The following ADAM23 variants were observed in gnomAD, a reference collection of about 807,000 sequenced individuals.
ADAM23 encodes the protein ADAM metallopeptidase domain 23.
ADAM23 carries 33 observed loss-of-function variants against 120.1 expected under a neutral mutation model. The ratio of observed to expected loss-of-function variants is 0.27; its 90% CI spans 0.21 to 0.37. The LOEUF (loss-of-function observed/expected upper bound fraction) is 0.37. ADAM23 is among the 10% of genes least tolerant of loss of function. The probability of loss-of-function intolerance (pLI) is 1.00; values close to 1 mark genes in which losing one functional copy is unlikely to be tolerated. For synonymous variants in ADAM23, 367 were observed against 375.2 expected (o/e 0.98, Z 0.25); for missense variants, 862 against 1,058.2 (o/e 0.81, Z 2.57).
At chr2:206,557,042 G>A (rs542043754) in intron 9 of ADAM23, among the ~76,000 whole-genome samples, 17 of 152,008 alleles carry the variant, frequency 1.1e-4, no homozygotes, top group Middle Eastern at 3.4e-3. Context: ...TTCTCATATC[G>A]ATTTCTATAG....
chr2:206,496,900 A>G (rs1191435050), intron 3 of ADAM23, among the ~76,000 whole-genome samples: 1 of 152,246 alleles, frequency 6.6e-6, no homozygotes, highest in East Asian at 1.9e-4. Flanking sequence ...TAGAAAATCT[A>G]GAAGAAATGG....
At chr2:206,544,662 G>A (rs1052435466) in intron 6 of ADAM23, among the ~76,000 whole-genome samples, 13 of 149,656 alleles carry the variant, frequency 8.7e-5, no homozygotes, top group African/African-American at 3.2e-4. Flanking sequence ...GCCTAGGCTG[G>A]AGTGCAGTGG....
At chr2:206,549,867 G>A (rs1697476989) in intron 8 of ADAM23, among the ~76,000 whole-genome samples, 1 of 151,960 alleles carries the variant, frequency 6.6e-6, no homozygotes, top group African/African-American at 2.4e-5. Flanking sequence ...TGATAAGTAA[G>A]TACCTTAATG....
Position 206,596,264 on chromosome 2 carries a change from GA to G in ADAM23, c.2359+104del. 4.9e-6 allele frequency: 4 copies of G among 817,118 alleles called. No homozygotes were observed. The South Asian group carries it at 5.9e-5, about 12-fold the overall frequency. The allele number at this position is 817,118 out of a possible 1,614,324, so 50.6% of individuals were successfully genotyped here. The stretch of plus-strand genomic sequence containing the variant: ...AATTGACTTAAGAGGAGACACATAA[GA>G]ATATCTGTTTTTGCCTTTAAAGTAT... On this transcript the variant is annotated intron_variant, in intron 24 of 25. Coordinates refer to ENST00000264377, the MANE Select transcript of ADAM23 (RefSeq NM_003812.4).
chr2:206,526,179 C>G (rs1010319935), intron 3 of ADAM23, among the ~76,000 whole-genome samples: 1 of 145,442 alleles, frequency 6.9e-6, no homozygotes, highest in Non-Finnish European at 1.5e-5. Flanking sequence ...CACACACACA[C>G]AGACACACAC....
In ADAM23 at chr2:206,617,810, A is replaced by G. The variant is rs1196028607; in HGVS notation, c.*183A>G. ...ACTGTCTCTTTTGGAAATAATGTCA[A>G]AGAACACCTTTCACCACCTGTCAGT... On this transcript the variant is annotated 3_prime_UTR_variant, in exon 26 of 26. Coordinates refer to ENST00000264377, the MANE Select transcript of ADAM23 (RefSeq NM_003812.4). 3 of 1,310,294 alleles carry G rather than the reference A, an allele frequency of 2.3e-6. No homozygotes were observed. Among genetic ancestry groups the G allele is most frequent in the Non-Finnish European group, 3.0e-6 (3 of 998,324 alleles). 81.2% of individuals were successfully genotyped at this position (1,310,294 alleles called of 1,614,324 possible). A position where few individuals can be genotyped will look rare whatever the true frequency, so the allele number is the denominator to read the frequency against.
At chr2:206,492,508 A>G (rs1696155907) in intron 3 of ADAM23, among the ~76,000 whole-genome samples, 1 of 152,202 alleles carries the variant, frequency 6.6e-6, no homozygotes, top group Non-Finnish European at 1.5e-5. Context: ...CAATATTTAT[A>G]TATTGTTTAT....
chr2:206,477,897 A>AAAAATATATATATATAT lies in ADAM23; in HGVS notation c.433-3334_433-3333insAAATATATATATATATA, dbSNP rs374524658. On this transcript the variant is annotated intron_variant, in intron 2 of 25. Coordinates refer to ENST00000264377, the MANE Select transcript of ADAM23 (RefSeq NM_003812.4). ...TATTCTGTTAAAAAAAAAAAAAAAA[A>AAAAATATATATATATAT]ATATATATATATATATATATATATA... is the stretch of plus-strand genomic sequence containing the variant. Among the ~76,000 whole-genome samples the AAAAATATATATATATAT allele has an allele frequency of 2.5e-4, 23 of 93,562 alleles. No individual in the cohort carries two copies. In the East Asian group the frequency reaches 4.4e-3, roughly 18 times the overall value. 61.4% of individuals were successfully genotyped at this position (93,562 alleles called of 152,430 possible).
At chr2:206,550,906 T>C (rs1034049711) in intron 9 of ADAM23, among the ~76,000 whole-genome samples, 12 of 152,234 alleles carry the variant, frequency 7.9e-5, no homozygotes, top group Non-Finnish European at 1.6e-4. Flanking sequence ...CGGCGACTTA[T>C]CGTCTTTAAA....
In ADAM23 at chr2:206,619,135, A is replaced by T. The variant is rs534960525; in HGVS notation, c.*1508A>T. The T allele has an allele frequency of 6.6e-6, 1 of 152,328 alleles. No individual in the cohort carries two copies. Among genetic ancestry groups the T allele is most frequent in the Admixed American group, 6.5e-5 (1 of 15,292 alleles). 9.4% of individuals were successfully genotyped at this position (152,328 alleles called of 1,614,324 possible). A position where few individuals can be genotyped will look rare whatever the true frequency, so the allele number is the denominator to read the frequency against. On this transcript the variant is annotated 3_prime_UTR_variant, in exon 26 of 26. Coordinates refer to ENST00000264377, the MANE Select transcript of ADAM23 (RefSeq NM_003812.4). ...GTTACCTTTGTATCCGCATTGTTAA[A>T]ATAGGCTTTTATGCTGTGCTGTGCT...
At position 206,502,314 on chromosome 2, in the gene ADAM23, C is replaced by T. The variant is rs571402258; in HGVS notation, c.509+21006C>T. 9.2e-5 allele frequency among the ~76,000 whole-genome samples: 14 copies of T among 152,164 alleles called. No homozygotes were observed. The South Asian group carries it at 2.1e-3, about 23-fold the overall frequency. On this transcript the variant is annotated intron_variant, in intron 3 of 25. Coordinates refer to ENST00000264377, the MANE Select transcript of ADAM23 (RefSeq NM_003812.4). ...TTTTATAAATAACTGTAGTTATTTT[C>T]TCCTGTGTTACCTATGAGCCAGCAG...
chr2:206,460,227 C>T (rs916352719), intron 2 of ADAM23, among the ~76,000 whole-genome samples: 4 of 151,968 alleles, frequency 2.6e-5, no homozygotes, highest in Non-Finnish European at 5.9e-5. Flanking sequence ...AAACACATGC[C>T]CTAGAAAAAC....
chr2:206,469,581 AT>A (rs1267044727), intron 2 of ADAM23, among the ~76,000 whole-genome samples: 2 of 152,318 alleles, frequency 1.3e-5, no homozygotes, highest in East Asian at 3.9e-4. Flanking sequence ...CTTCCAGTGA[AT>A]TTTAAAAAAT....
At chr2:206,489,090 G>C (rs1696076042) in intron 3 of ADAM23, among the ~76,000 whole-genome samples, 1 of 152,164 alleles carries the variant, frequency 6.6e-6, no homozygotes, top group African/African-American at 2.4e-5. Flanking sequence ...AGAAGAAACA[G>C]GCCTCCTGCC....
chr2:206,596,713 G>A (rs545477397), intron 24 of ADAM23, among the ~76,000 whole-genome samples: 66 of 152,122 alleles, frequency 4.3e-4, no homozygotes, highest in African/African-American at 1.5e-3. Context: ...TTAGAATTTT[G>A]GGATTAGAAA....
At chr2:206,579,503 A>G (rs1360391746) in intron 18 of ADAM23, among the ~76,000 whole-genome samples, 1 of 151,942 alleles carries the variant, frequency 6.6e-6, no homozygotes, top group Non-Finnish European at 1.5e-5. Flanking sequence ...CCTTTTCCCC[A>G]CTTTATGTTT....
intron 2 of ADAM23, among the ~76,000 whole-genome samples, chr2:206,471,875 T>TACAAGTTGTA (rs1695666934): frequency 6.6e-6 from 1 of 152,214 alleles, no homozygotes; most frequent in African/African-American, 2.4e-5. Context: ...TTTTTACTCA[T>TACAAGTTGTA]CTTTCAAAAA....
intron 14 of ADAM23, 24 bp downstream of exon 14, chr2:206,565,092 T>TC (rs771283832): frequency 2.5e-5 from 41 of 1,612,944 alleles, no homozygotes; most frequent in Non-Finnish European, 4.2e-6. Flanking sequence ...ATGCGTGCAT[T>TC]TGATATATGC....
At chr2:206,445,598 C>G in intron 2 of ADAM23, 74 bp downstream of exon 2, 1 of 1,323,288 alleles carries the variant, frequency 7.6e-7, no homozygotes, top group Non-Finnish European at 1.0e-6. Context: ...CTGCCAGAAT[C>G]TGAGTTCACA....
Sources: allele counts gnomAD v4.1 joint callset (sites outside exome capture counted in the v4.1 genomes callset), GRCh38; gene constraint gnomAD v4.1.1; transcripts MANE v1.5; gene names NCBI Gene and HGNC (gene_info 2026-07-23, HGNC 2026-07-21).